Variants in CMSS1 observed in about 807,000 individuals in gnomAD.
CMSS1 encodes protein CMSS1.
A neutral mutation model predicts 43.5 loss-of-function variants in CMSS1; 33 were observed. That is an observed-to-expected ratio of 0.76 (90% CI 0.57 to 1.01). The LOEUF is 1.01. CMSS1 is among the 50% of genes least tolerant of loss of function. The probability of loss-of-function intolerance (pLI) is 0.00; values close to 1 mark genes in which losing one functional copy is unlikely to be tolerated. For synonymous variants in CMSS1, 115 were observed against 117.2 expected (o/e 0.98, Z 0.12); for missense variants, 313 against 326.4 (o/e 0.96, Z 0.32).
At chr3:100,008,197 AG>A (rs1710042498) in intron 1 of CMSS1, among the ~76,000 whole-genome samples, 1 of 152,172 alleles carries the variant, frequency 6.6e-6, no homozygotes, top group Admixed American at 6.5e-5. Flanking sequence ...GGAAGGAAGG[AG>A]CCTTTCCATA....
chr3:100,172,397 A>C lies in CMSS1; in HGVS notation c.661A>C (p.Lys221Gln). ...GTPGRIKELV[K>Q]QGGLNLSPLK... is the part of the protein sequence containing the mutation. ...TCCGGGGAGAATTAAAGAACTTGTT[A>C]AACAAGGTATGACAAGAGGGCAGTG... Residue 221 changes from lysine to glutamine, a missense_variant, in exon 8 of 10, where the codon AAA (lysine) becomes CAA (glutamine). By Grantham distance (53) the Lys-to-Gln change is moderately conservative (BLOSUM62 1). Coordinates refer to ENST00000421999, the MANE Select transcript of CMSS1 (RefSeq NM_032359.4). 6.2e-7 allele frequency: 1 copy of C among 1,613,318 alleles called. No homozygotes were observed. Among genetic ancestry groups the C allele is most frequent in the Non-Finnish European group, 8.5e-7 (1 of 1,179,404 alleles).
chr3:99,886,426 C>T (rs1490839973), intron 1 of CMSS1, among the ~76,000 whole-genome samples: 2 of 150,894 alleles, frequency 1.3e-5, no homozygotes, highest in African/African-American at 2.4e-5. Flanking sequence ...AAAAAAAAAT[C>T]GGAAAAAAAA....
At chr3:99,935,857 G>T (rs751740658) in intron 1 of CMSS1, among the ~76,000 whole-genome samples, 1 of 152,214 alleles carries the variant, frequency 6.6e-6, no homozygotes, top group Non-Finnish European at 1.5e-5. Flanking sequence ...TGGTAAGGAT[G>T]TGTCCATGCA....
intron 1 of CMSS1, among the ~76,000 whole-genome samples, chr3:99,940,206 C>T (rs1387974002): frequency 6.6e-6 from 1 of 152,154 alleles, no homozygotes; most frequent in African/African-American, 2.4e-5. Flanking sequence ...AGAATGTTTT[C>T]CAGATCTTTG....
chr3:100,119,980 A>G (rs1362123962), intron 1 of CMSS1, among the ~76,000 whole-genome samples: 2 of 152,204 alleles, frequency 1.3e-5, no homozygotes, highest in Admixed American at 6.5e-5. Flanking sequence ...ATGCCTACCT[A>G]TAGGCAGTGT....
chr3:99,962,044 CA>C (rs1303482909), intron 1 of CMSS1, among the ~76,000 whole-genome samples: 1 of 152,114 alleles, frequency 6.6e-6, no homozygotes, highest in Non-Finnish European at 1.5e-5. Context: ...AATTTTTCTG[CA>C]GGACACACCA....
intron 1 of CMSS1, among the ~76,000 whole-genome samples, chr3:99,938,072 T>TGC (rs764518476): frequency 4.2e-5 from 6 of 142,522 alleles, no homozygotes; most frequent in African/African-American, 8.1e-5. Context: ...TGTGTGTGTG[T>TGC]GTGCGCGCGC....
rs960213010 is a variant in CMSS1 at position 99,837,967 on chromosome 3, A to C, written c.64+19924A>C. On this transcript the variant is annotated intron_variant, in intron 1 of 9. Transcript: ENST00000421999. ...CACCTACTTATAAGCTCAGATGTGC[A>C]TGGTTGTGATGTTCCTTCCGTGAAT... Among the ~76,000 whole-genome samples the C allele has an allele frequency of 7.9e-5, 12 of 152,286 alleles. 1 individual carries two copies. The South Asian group carries it at 2.5e-3, about 32-fold the overall frequency.
At chr3:100,046,083 T>C (rs1325128162) in intron 1 of CMSS1, among the ~76,000 whole-genome samples, 2 of 152,198 alleles carry the variant, frequency 1.3e-5, no homozygotes, top group African/African-American at 4.8e-5. Context: ...TAGTGAGGAA[T>C]TGTAACATGA....
At chr3:99,993,265 C>CA (rs1709576242) in intron 1 of CMSS1, among the ~76,000 whole-genome samples, 3 of 151,842 alleles carry the variant, frequency 2.0e-5, no homozygotes, top group Admixed American at 1.3e-4. Context: ...AATATTGATT[C>CA]TTCAATCTAT....
At chr3:100,071,770 C>T (rs886599547) in intron 1 of CMSS1, among the ~76,000 whole-genome samples, 3 of 152,320 alleles carry the variant, frequency 2.0e-5, no homozygotes, top group African/African-American at 4.8e-5. Context: ...CCTGACTTTT[C>T]ACCTCTTATT....
Position 100,117,840 on chromosome 3 carries a change from TATATATATATATAC to T in CMSS1, c.65-29119_65-29106del, listed in dbSNP as rs1294235341. 7.5e-4 allele frequency among the ~76,000 whole-genome samples: 73 copies of T among 97,332 alleles called. 1 individual carries two copies. The highest frequency in any genetic ancestry group is 1.9e-3 in the African/African-American group (43 of 22,856). 63.9% of individuals were successfully genotyped at this position (97,332 alleles called of 152,430 possible). A position where few individuals can be genotyped will look rare whatever the true frequency, so the allele number is the denominator to read the frequency against. ...ATAAACTGCAGTATATATATATATA[TATATATATATATAC>T]ATATATATATATATATATATATATA... On this transcript the variant is annotated intron_variant, in intron 1 of 9. Coordinates refer to ENST00000421999, the MANE Select transcript of CMSS1 (RefSeq NM_032359.4).
At chr3:100,031,363 C>G (rs1425356218) in intron 1 of CMSS1, among the ~76,000 whole-genome samples, 3 of 151,980 alleles carry the variant, frequency 2.0e-5, no homozygotes, top group Non-Finnish European at 4.4e-5. Context: ...TCCAAAGTTC[C>G]TGTTACCCTC....
At chr3:99,854,968 G>A (rs1429792705) in intron 1 of CMSS1, among the ~76,000 whole-genome samples, 1 of 152,168 alleles carries the variant, frequency 6.6e-6, no homozygotes, top group Non-Finnish European at 1.5e-5. Context: ...CAGTAGGTCT[G>A]GGGTGGGCCT....
chr3:99,920,828 T>A (rs1159475143), intron 1 of CMSS1, among the ~76,000 whole-genome samples: 1 of 152,200 alleles, frequency 6.6e-6, no homozygotes, highest in African/African-American at 2.4e-5. Flanking sequence ...TAATTTGAAA[T>A]CCATTATTAC....
chr3:100,149,988 TCCA>T (rs2066890387), intron 2 of CMSS1, among the ~76,000 whole-genome samples: 1 of 152,068 alleles, frequency 6.6e-6, no homozygotes. Flanking sequence ...GAAAGGCTCC[TCCA>T]CCTTGACATT....
At chr3:100,176,464 CT>C in intron 9 of CMSS1, 49 bp downstream of exon 9, 1 of 1,278,800 alleles carries the variant, frequency 7.8e-7, no homozygotes, top group Non-Finnish European at 1.1e-6. Context: ...TCTATTTGAA[CT>C]TGGTTCAAAC....
intron 1 of CMSS1, among the ~76,000 whole-genome samples, chr3:99,981,857 G>A (rs1709134086): frequency 1.3e-5 from 2 of 152,150 alleles, no homozygotes; most frequent in African/African-American, 2.4e-5. Context: ...GTCAAGCCAC[G>A]GCCAGGCATG....
chr3:100,076,421 A>G (rs550863644), intron 1 of CMSS1, among the ~76,000 whole-genome samples: 1 of 152,226 alleles, frequency 6.6e-6, no homozygotes, highest in East Asian at 1.9e-4. Context: ...TTTTTCTTTT[A>G]TCATTGTCAG....
Sources: allele counts gnomAD v4.1 joint callset (sites outside exome capture counted in the v4.1 genomes callset), GRCh38; gene constraint gnomAD v4.1.1; transcripts MANE v1.5; gene names NCBI Gene and HGNC (gene_info 2026-07-23, HGNC 2026-07-21).